BBOX1: variants seen among roughly 807,000 people sequenced by gnomAD.
BBOX1 encodes the protein gamma-butyrobetaine dioxygenase.
In BBOX1, 35 loss-of-function variants were observed where a neutral mutation model predicts 41.6. The ratio of observed to expected loss-of-function variants is 0.84; its 90% CI spans 0.64 to 1.11. The LOEUF is 1.11. BBOX1 is among the 50% of genes most tolerant of loss of function. The pLI, the probability that BBOX1 is intolerant of heterozygous loss-of-function variation, is 0.00. For synonymous variants in BBOX1, 163 were observed against 154.7 expected (o/e 1.05, Z -0.40); for missense variants, 458 against 460.6 (o/e 0.99, Z 0.05).
intron 4 of BBOX1, among the ~76,000 whole-genome samples, chr11:27,071,654 C>T (rs1360136747): frequency 2.6e-5 from 4 of 151,860 alleles, no homozygotes; most frequent in Non-Finnish European, 4.4e-5. Flanking sequence ...TGATGAACAT[C>T]GATGCAAAAA....
At chr11:27,079,498 C>T (rs1369906332) in intron 4 of BBOX1, among the ~76,000 whole-genome samples, 2 of 152,042 alleles carry the variant, frequency 1.3e-5, no homozygotes, top group Non-Finnish European at 2.9e-5. Context: ...GGTACAATCT[C>T]ATCATCATAG....
intron 5 of BBOX1, among the ~76,000 whole-genome samples, chr11:27,111,865 TA>T (rs1859077185): frequency 6.6e-6 from 1 of 151,936 alleles, no homozygotes; most frequent in African/African-American, 2.4e-5. Flanking sequence ...TTCTGAGTGA[TA>T]AATCTTTTTA....
intron 5 of BBOX1, among the ~76,000 whole-genome samples, chr11:27,109,177 A>C (rs1255253044): frequency 6.6e-6 from 1 of 152,094 alleles, no homozygotes; most frequent in Admixed American, 6.6e-5. Context: ...AACATATTCA[A>C]ATCTAATAAA....
chr11:27,083,848 A>G (rs1016136707), intron 4 of BBOX1, among the ~76,000 whole-genome samples: 1 of 152,166 alleles, frequency 6.6e-6, no homozygotes, highest in African/African-American at 2.4e-5. Flanking sequence ...AAAGATTTCA[A>G]CATAACATAA....
Position 27,050,937 on chromosome 11 carries a change from C to G in BBOX1, c.-38-4456C>G, listed in dbSNP as rs1851652395. ...CCAATCTTAGAGGAAAAGCTTTCAA[C>G]TTTTCATCAGTGAATATGATGTTAG... is the stretch of plus-strand genomic sequence containing the variant. On this transcript the variant is annotated intron_variant, in intron 2 of 8. Transcript: ENST00000263182. 2.0e-5 allele frequency among the ~76,000 whole-genome samples: 3 copies of G among 152,016 alleles called. No individual in the cohort carries two copies. The South Asian group carries it at 6.2e-4, about 31-fold the overall frequency.
At chr11:27,058,113 C>T (rs1857038848) in intron 4 of BBOX1, among the ~76,000 whole-genome samples, 1 of 152,100 alleles carries the variant, frequency 6.6e-6, no homozygotes, top group African/African-American at 2.4e-5. Context: ...CTATGTGAAT[C>T]AAAGATAGAC....
chr11:27,124,174 A>C (rs1859562368), intron 7 of BBOX1, among the ~76,000 whole-genome samples: 1 of 152,166 alleles, frequency 6.6e-6, no homozygotes, highest in Non-Finnish European at 1.5e-5. Flanking sequence ...CACCAAACCC[A>C]GGTGTATGTG....
intron 4 of BBOX1, among the ~76,000 whole-genome samples, chr11:27,075,043 T>C (rs555976604): frequency 6.6e-6 from 1 of 152,308 alleles, no homozygotes; most frequent in South Asian, 2.1e-4. Context: ...TAGAACCCTG[T>C]TTTTTTATAC....
chr11:27,093,407 G>A, intron 5 of BBOX1, 41 bp downstream of exon 5: 2 of 1,597,298 alleles, frequency 1.3e-6, no homozygotes, highest in East Asian at 2.2e-5. Context: ...TCACAGATAA[G>A]GTTTGAAATA....
At chr11:27,064,973 T>C (rs1281932077) in intron 4 of BBOX1, among the ~76,000 whole-genome samples, 2 of 152,046 alleles carry the variant, frequency 1.3e-5, no homozygotes, top group East Asian at 3.9e-4. Context: ...CCTGCAGGAA[T>C]GGCTGACAAT....
chr11:27,042,911 G>A (rs1327738424), intron 2 of BBOX1, among the ~76,000 whole-genome samples: 2 of 151,972 alleles, frequency 1.3e-5, no homozygotes, highest in Non-Finnish European at 2.9e-5. Context: ...TTATTTAAAG[G>A]TTAAAATATA....
chr11:27,067,809 C>T (rs1299343101), intron 4 of BBOX1, among the ~76,000 whole-genome samples: 1 of 151,988 alleles, frequency 6.6e-6, no homozygotes, highest in African/African-American at 2.4e-5. Context: ...TGAGCTCCTG[C>T]TTGCAAGTGA....
In BBOX1 at chr11:27,104,904, A is replaced by G. The variant is rs1858806940; in HGVS notation, c.534-10548A>G. 2.0e-5 allele frequency among the ~76,000 whole-genome samples: 3 copies of G among 152,312 alleles called. 1 individual carries two copies. The highest frequency in any genetic ancestry group is 7.2e-5 in the African/African-American group (3 of 41,576). On this transcript the variant is annotated intron_variant, in intron 5 of 8. Transcript: ENST00000263182. ...CCTCTGAGACAAAGCTTCCAGAGGAAGAATCAGGCAGCAACATTTGCTGTT... is the reference window on the plus strand; with the variant it reads ...CCTCTGAGACAAAGCTTCCAGAGGAGGAATCAGGCAGCAACATTTGCTGTT...
intron 4 of BBOX1, among the ~76,000 whole-genome samples, chr11:27,078,031 A>G (rs1857695638): frequency 6.6e-6 from 1 of 151,764 alleles, no homozygotes; most frequent in Non-Finnish European, 1.5e-5. Flanking sequence ...ACAATCTGGT[A>G]CCCCCTCCAC....
intron 7 of BBOX1, among the ~76,000 whole-genome samples, chr11:27,120,091 A>G (rs1049466038): frequency 5.9e-5 from 9 of 152,136 alleles, no homozygotes; most frequent in African/African-American, 1.9e-4. Context: ...TTTTTAGAAT[A>G]TAAGTTCTAC....
intron 2 of BBOX1, among the ~76,000 whole-genome samples, chr11:27,049,961 T>C (rs1032380363): frequency 2.6e-5 from 4 of 152,158 alleles, no homozygotes; most frequent in Non-Finnish European, 5.9e-5. Flanking sequence ...TCCCATATGT[T>C]TTCTTCTAGT....
intron 4 of BBOX1, among the ~76,000 whole-genome samples, chr11:27,080,016 C>A (rs1857781615): frequency 6.6e-6 from 1 of 152,116 alleles, no homozygotes; most frequent in South Asian, 2.1e-4. Context: ...AGCTTATTTC[C>A]TATTCCCATC....
At chr11:27,054,226 T>C (rs1299904854) in intron 2 of BBOX1, among the ~76,000 whole-genome samples, 4 of 151,368 alleles carry the variant, frequency 2.6e-5, no homozygotes, top group African/African-American at 7.3e-5. Flanking sequence ...TGTGTGTGTG[T>C]GTGTGTGTGC....
chr11:27,093,516 T>C, intron 5 of BBOX1, 150 bp downstream of exon 5: 1 of 903,054 alleles, frequency 1.1e-6, no homozygotes, highest in South Asian at 1.8e-5. Context: ...AAAGTAGTAT[T>C]TTGCTGAGAA....
Sources: gnomAD v4.1 joint callset for allele counts (sites outside exome capture counted in the v4.1 genomes callset) on GRCh38, gnomAD v4.1.1 for gene constraint, MANE v1.5 for transcripts, NCBI Gene and HGNC (gene_info 2026-07-23, HGNC 2026-07-21) for gene names.